The following MAP2K2 variants were observed in gnomAD, a reference collection of about 807,000 sequenced individuals.
The protein encoded by MAP2K2 is dual specificity mitogen-activated protein kinase kinase 2.
A neutral mutation model predicts 43.7 loss-of-function variants in MAP2K2; 24 were observed. The ratio of observed to expected loss-of-function variants is 0.55; its 90% CI spans 0.40 to 0.77. The LOEUF (loss-of-function observed/expected upper bound fraction) is 0.77, where lower values mean the gene tolerates loss of function less well. Ranked by LOEUF, MAP2K2 falls within the 30% of genes least tolerant of loss-of-function variation. The pLI is 0.00. For missense variants in MAP2K2, 470 were observed against 566.8 expected (o/e 0.83, Z 1.73); for synonymous variants, 244 against 239.7 (o/e 1.02, Z -0.17).
intron 8 of MAP2K2, among the ~76,000 whole-genome samples, chr19:4,095,912 T>C (rs1379544986): frequency 6.6e-6 from 1 of 152,198 alleles, no homozygotes; most frequent in Non-Finnish European, 1.5e-5. Flanking sequence ...GTAGCTGGGA[T>C]GACAGGTGCC....
chr19:4,116,011 G>T (rs1185056272), intron 2 of MAP2K2, among the ~76,000 whole-genome samples: 1 of 152,192 alleles, frequency 6.6e-6, no homozygotes, highest in African/African-American at 2.4e-5. Flanking sequence ...ACTAAGCACG[G>T]GGGCCGTCAG....
intron 3 of MAP2K2, among the ~76,000 whole-genome samples, chr19:4,105,679 T>C (rs1357059058): frequency 1.3e-5 from 2 of 152,136 alleles, no homozygotes; most frequent in Non-Finnish European, 2.9e-5. Flanking sequence ...AGATCTTTCT[T>C]CATCTCTCTC....
intron 1 of MAP2K2, among the ~76,000 whole-genome samples, chr19:4,120,153 C>T (rs1599309524): frequency 6.6e-6 from 1 of 152,212 alleles, no homozygotes. Context: ...AACCCCTGCT[C>T]ATCTTAGTGT....
chr19:4,090,439 C>T lies in MAP2K2; in HGVS notation c.*159G>A. On this transcript the variant is annotated 3_prime_UTR_variant, in exon 11 of 11. Coordinates refer to ENST00000262948, the MANE Select transcript of MAP2K2 (RefSeq NM_030662.4). ...CGGCCAGGACGGGCAGGAGAGGAGACCCCCGTTCCTGCATGCGCTGTCGCC... is the reference window on the plus strand; with the variant it reads ...CGGCCAGGACGGGCAGGAGAGGAGATCCCCGTTCCTGCATGCGCTGTCGCC... 1.5e-6 allele frequency: 1 copy of T among 684,664 alleles called. No individual in the cohort carries two copies. The highest frequency in any genetic ancestry group is 1.6e-5 in the South Asian group (1 of 60,838). 42.4% of individuals were successfully genotyped at this position (684,664 alleles called of 1,614,324 possible). A position where few individuals can be genotyped will look rare whatever the true frequency, so the allele number is the denominator to read the frequency against.
chr19:4,123,178 G>A (rs773814722), intron 1 of MAP2K2, among the ~76,000 whole-genome samples: 3 of 150,508 alleles, frequency 2.0e-5, no homozygotes, highest in African/African-American at 7.4e-5. Flanking sequence ...TCTCCTCTTA[G>A]AGATACCCCT....
At chr19:4,095,314 G>T in intron 9 of MAP2K2, 74 bp downstream of exon 9, 1 of 1,396,172 alleles carries the variant, frequency 7.2e-7, no homozygotes, top group Non-Finnish European at 9.9e-7. Context: ...TGGGCCACGG[G>T]CCCCACCCAG....
chr19:4,121,930 G>C (rs1347271366), intron 1 of MAP2K2, among the ~76,000 whole-genome samples: 1 of 101,332 alleles, frequency 9.9e-6, no homozygotes, highest in Non-Finnish European at 1.9e-5. Context: ...GGAGCCCCCT[G>C]TCCTCCCCTC....
chr19:4,092,810 A>G (rs12463088), intron 10 of MAP2K2, among the ~76,000 whole-genome samples: 29,492 of 151,768 alleles, frequency 0.19, 3,272 homozygotes, highest in South Asian at 0.31. Context: ...AGTGGCTCAC[A>G]CCTGTAATCC....
At position 4,090,642 on chromosome 19, in the gene MAP2K2, G is replaced by C; in HGVS notation, c.1159C>G (p.Leu387Val). The change falls in exon 11 of 11, where the codon CTG becomes GTG. Residue 387 changes from leucine to valine, a missense_variant. Transcript: ENST00000262948. ...VDFAGWLCKT[L>V]RLNQPGTPTR... Reference sequence around the variant, plus strand: ...GGTGTGCCGGGCTGGTTCAGCCGCAGGGTTTTACACAACCAGCCGGCAAAA... The same window carrying C: ...GGTGTGCCGGGCTGGTTCAGCCGCACGGTTTTACACAACCAGCCGGCAAAA... 3 of 1,556,930 alleles carry C rather than the reference G, an allele frequency of 1.9e-6. No individual in the cohort carries two copies. The highest frequency in any genetic ancestry group is 2.6e-6 in the Non-Finnish European group (3 of 1,150,402).
At chr19:4,114,859 G>C (rs1332392305) in intron 2 of MAP2K2, among the ~76,000 whole-genome samples, 2 of 152,196 alleles carry the variant, frequency 1.3e-5, no homozygotes, top group African/African-American at 4.8e-5. Context: ...GAACCTGTGA[G>C]GTGGAGGTTG....
Position 4,107,763 on chromosome 19 carries a change from T to G in MAP2K2, c.450+2746A>C, listed in dbSNP as rs533635106. On this transcript the variant is annotated intron_variant, in intron 3 of 10. Coordinates refer to ENST00000262948, the MANE Select transcript of MAP2K2 (RefSeq NM_030662.4). ...ATGCAAAATAAAGATGACATAGAAA[T>G]ATGAGGAAACAGCGTAGAAATACAG... 1.3e-4 allele frequency among the ~76,000 whole-genome samples: 20 copies of G among 151,480 alleles called. No homozygotes were observed. The South Asian group carries it at 2.3e-3, about 17-fold the overall frequency.
At chr19:4,094,656 T>A in intron 9 of MAP2K2, 158 bp from the exon 10 acceptor site, 1 of 703,994 alleles carries the variant, frequency 1.4e-6, no homozygotes, top group Admixed American at 2.3e-5. Context: ...CTGTTCTGCC[T>A]CCTGGCAGAG....
chr19:4,098,579 G>T (rs1157940558), intron 7 of MAP2K2, among the ~76,000 whole-genome samples: 1 of 152,176 alleles, frequency 6.6e-6, no homozygotes, highest in Non-Finnish European at 1.5e-5. Flanking sequence ...TCCCTCAGGC[G>T]GTGGAAGTGT....
At chr19:4,106,938 C>T (rs2041091453) in intron 3 of MAP2K2, among the ~76,000 whole-genome samples, 1 of 152,232 alleles carries the variant, frequency 6.6e-6, no homozygotes, top group African/African-American at 2.4e-5. Flanking sequence ...CAAGGGGCAC[C>T]TCTACGAGGT....
chr19:4,102,311 G>GT, intron 4 of MAP2K2, 65 bp downstream of exon 4: 2 of 1,394,570 alleles, frequency 1.4e-6, no homozygotes, highest in Non-Finnish European at 2.0e-6. Flanking sequence ...CCGGAACCCT[G>GT]GCCGTGTGGA....
At chr19:4,095,325 G>C in intron 9 of MAP2K2, 63 bp downstream of exon 9, 1 of 1,476,918 alleles carries the variant, frequency 6.8e-7, no homozygotes, top group South Asian at 1.2e-5. Flanking sequence ...CCCCACCCAG[G>C]ACCCGGAAGG....
chr19:4,098,562 C>G (rs538931169), intron 7 of MAP2K2, among the ~76,000 whole-genome samples: 1 of 152,338 alleles, frequency 6.6e-6, no homozygotes, highest in African/African-American at 2.4e-5. Flanking sequence ...GGTCCGCCCC[C>G]GGCTCTTCCC....
At chr19:4,106,615 C>T (rs2041088508) in intron 3 of MAP2K2, among the ~76,000 whole-genome samples, 1 of 152,034 alleles carries the variant, frequency 6.6e-6, no homozygotes, top group South Asian at 2.1e-4. Context: ...ACCATGTTGG[C>T]CAGGATGGTC....
chr19:4,097,409 C>G, intron 7 of MAP2K2, 66 bp from the exon 8 acceptor site: 1 of 1,291,756 alleles, frequency 7.7e-7, no homozygotes, highest in Non-Finnish European at 1.1e-6. Flanking sequence ...GGGGGTTGGG[C>G]TCCCAGGGGG....
Sources: allele counts gnomAD v4.1 joint callset (sites outside exome capture counted in the v4.1 genomes callset), GRCh38; gene constraint gnomAD v4.1.1; transcripts MANE v1.5; gene names NCBI Gene and HGNC (gene_info 2026-07-23, HGNC 2026-07-21).